Variants in DENND1A observed in about 807,000 individuals in gnomAD.
The protein encoded by DENND1A is DENN domain-containing protein 1A.
DENND1A carries 51 observed loss-of-function variants against 113.7 expected under a neutral mutation model. The ratio of observed to expected loss-of-function variants is 0.45; its 90% CI spans 0.36 to 0.57. The LOEUF is 0.57. Ranked by LOEUF, DENND1A falls within the 20% of genes least tolerant of loss-of-function variation. The pLI, the probability that DENND1A is intolerant of heterozygous loss-of-function variation, is 0.00. For missense variants in DENND1A, 1,258 were observed against 1,395.9 expected, an observed-to-expected ratio of 0.90 and a Z score of 1.57; for synonymous variants, 565 against 570.8, an observed-to-expected ratio of 0.99 and a Z score of 0.14.
chr9:123,609,985 T>G (rs2137735928), intron 10 of DENND1A, among the ~76,000 whole-genome samples: 1 of 152,350 alleles, frequency 6.6e-6, no homozygotes, highest in East Asian at 1.9e-4. Flanking sequence ...AGATGTGATC[T>G]AACTGTCCAT....
intron 5 of DENND1A, among the ~76,000 whole-genome samples, chr9:123,712,686 T>C (rs1446386124): frequency 1.3e-5 from 2 of 152,192 alleles, no homozygotes; most frequent in Non-Finnish European, 2.9e-5. Context: ...ACAGTGGAAA[T>C]GTTGGCTTCT....
chr9:123,533,033 G>A (rs994520777), intron 13 of DENND1A, among the ~76,000 whole-genome samples: 5 of 152,192 alleles, frequency 3.3e-5, no homozygotes, highest in Non-Finnish European at 5.9e-5. Context: ...ATTTTATGTA[G>A]GAAATGCAGG....
chr9:123,919,202 T>C (rs963873081), intron 1 of DENND1A, among the ~76,000 whole-genome samples: 3 of 152,150 alleles, frequency 2.0e-5, no homozygotes, highest in Non-Finnish European at 4.4e-5. Context: ...CCGGGTGCAG[T>C]GGCTCATGCC....
At chr9:123,707,827 A>G (rs4838075) in intron 5 of DENND1A, among the ~76,000 whole-genome samples, 27,959 of 152,024 alleles carry the variant, frequency 0.18, 2,752 homozygotes, top group African/African-American at 0.27. Context: ...ATGTTTTCCT[A>G]CTCCCATCCA....
chr9:123,708,821 G>C (rs1187922848), intron 5 of DENND1A, among the ~76,000 whole-genome samples: 2 of 152,144 alleles, frequency 1.3e-5, no homozygotes, highest in African/African-American at 4.8e-5. Context: ...CAGTACCTAA[G>C]ACTTGAATTT....
chr9:123,526,007 T>C (rs2054811150), intron 13 of DENND1A, among the ~76,000 whole-genome samples: 1 of 152,020 alleles, frequency 6.6e-6, no homozygotes, highest in Non-Finnish European at 1.5e-5. Context: ...CCTCCCACAT[T>C]GGCCTCCCAA....
chr9:123,835,041 C>T (rs1290845959), intron 2 of DENND1A, among the ~76,000 whole-genome samples: 1 of 151,330 alleles, frequency 6.6e-6, no homozygotes, highest in Non-Finnish European at 1.5e-5. Context: ...AATTACAAAT[C>T]AATCGCTCAG....
intron 21 of DENND1A, among the ~76,000 whole-genome samples, chr9:123,389,356 G>A (rs1209939709): frequency 6.6e-6 from 1 of 152,264 alleles, no homozygotes; most frequent in Non-Finnish European, 1.5e-5. Context: ...GAGTCCCAGT[G>A]CTGGGCTTTT....
intron 21 of DENND1A, among the ~76,000 whole-genome samples, chr9:123,392,696 G>C (rs778376620): frequency 2.0e-5 from 3 of 152,216 alleles, no homozygotes; most frequent in Non-Finnish European, 4.4e-5. Flanking sequence ...TTGGGGAACA[G>C]GTGGTATTCG....
chr9:123,756,969 C>T (rs893972087), intron 5 of DENND1A, among the ~76,000 whole-genome samples: 2 of 152,182 alleles, frequency 1.3e-5, no homozygotes. Context: ...CCCTCTGACA[C>T]CTACTTAACC....
At chr9:123,449,533 C>CA (rs34903069) in intron 18 of DENND1A, among the ~76,000 whole-genome samples, 8,502 of 72,336 alleles carry the variant, frequency 0.12, 293 homozygotes, top group Admixed American at 0.17. Flanking sequence ...GACTCCGTCT[C>CA]AAAAAAAAAA....
intron 2 of DENND1A, among the ~76,000 whole-genome samples, chr9:123,869,151 C>T (rs1846176571): frequency 6.6e-6 from 1 of 152,174 alleles, no homozygotes; most frequent in South Asian, 2.1e-4. Flanking sequence ...AATACAGTCA[C>T]ACTAGAATTC....
intron 2 of DENND1A, among the ~76,000 whole-genome samples, chr9:123,868,014 G>T (rs2133378024): frequency 6.6e-6 from 1 of 152,288 alleles, no homozygotes; most frequent in South Asian, 2.1e-4. Flanking sequence ...CTGAAAATAT[G>T]AGTAGAAAAC....
intron 18 of DENND1A, among the ~76,000 whole-genome samples, chr9:123,442,881 G>GA (rs1433650210): frequency 2.0e-5 from 3 of 152,186 alleles, no homozygotes; most frequent in Non-Finnish European, 4.4e-5. Context: ...GCTACTGGGA[G>GA]AATGGGTGAA....
At chr9:123,477,267 C>T (rs963957179) in intron 13 of DENND1A, among the ~76,000 whole-genome samples, 4 of 151,776 alleles carry the variant, frequency 2.6e-5, no homozygotes, top group East Asian at 1.9e-4. Flanking sequence ...CAGTGGCTCA[C>T]GCCTGTGATC....
Position 123,834,033 on chromosome 9 carries a change from C to T in DENND1A, c.89-41403G>A, listed in dbSNP as rs768724127. On this transcript the variant is annotated intron_variant, in intron 2 of 23. Transcript: ENST00000394215. ...ATCACGCCGCTGCACTCCAGCCTGGCGAAAGAGCAAGACTCTGTCTCAAAA... is the reference window on the plus strand; with the variant it reads ...ATCACGCCGCTGCACTCCAGCCTGGTGAAAGAGCAAGACTCTGTCTCAAAA... 2.6e-5 allele frequency among the ~76,000 whole-genome samples: 4 copies of T among 151,912 alleles called. No homozygotes were observed. In the East Asian group the frequency reaches 7.7e-4, roughly 29 times the overall value.
At chr9:123,500,589 C>G (rs897991278) in intron 13 of DENND1A, among the ~76,000 whole-genome samples, 1 of 152,198 alleles carries the variant, frequency 6.6e-6, no homozygotes, top group African/African-American at 2.4e-5. Context: ...AATCTCTCCC[C>G]CTTCTGGGTC....
intron 5 of DENND1A, among the ~76,000 whole-genome samples, chr9:123,722,038 G>GAATGGCTTTGACAAAA (rs2067379213): frequency 6.6e-6 from 1 of 152,200 alleles, no homozygotes. Context: ...GAGACTTGTT[G>GAATGGCTTTGACAAAA]AATGGCTTTG....
intron 13 of DENND1A, among the ~76,000 whole-genome samples, chr9:123,555,949 G>A (rs1287322477): frequency 1.3e-5 from 2 of 152,192 alleles, no homozygotes; most frequent in Non-Finnish European, 2.9e-5. Context: ...CAAAGGATTG[G>A]GCCAGTTGTC....
Sources: allele counts gnomAD v4.1 joint callset (sites outside exome capture counted in the v4.1 genomes callset), GRCh38; gene constraint gnomAD v4.1.1; transcripts MANE v1.5; gene names NCBI Gene and HGNC (gene_info 2026-07-23, HGNC 2026-07-21).